ZBTB20: variants seen among roughly 807,000 people sequenced by gnomAD.
The protein encoded by ZBTB20 is zinc finger and BTB domain containing 20.
A neutral mutation model predicts 56.9 loss-of-function variants in ZBTB20; 9 were observed. The observed-to-expected ratio is 0.16, with a 90% confidence interval of 0.10 to 0.28. The LOEUF (loss-of-function observed/expected upper bound fraction) is 0.28. Ranked by LOEUF, ZBTB20 falls within the 10% of genes least tolerant of loss-of-function variation. The pLI, the probability that ZBTB20 is intolerant of heterozygous loss-of-function variation, is 1.00. For synonymous variants in ZBTB20, 417 were observed against 420.7 expected (o/e 0.99, Z 0.11); for missense variants, 655 against 1,003.0 (o/e 0.65, Z 4.69).
chr3:114,452,624 A>G lies in ZBTB20; in HGVS notation c.-255+47728T>C, dbSNP rs537690251. On this transcript the variant is annotated intron_variant, in intron 7 of 11. Transcript: ENST00000675478. ...GATGAGCATCACACTCTGCCCTGAT[A>G]TGTATTACACCCTTAAGAAGCAGTT... is the stretch of plus-strand genomic sequence containing the variant. Among the ~76,000 whole-genome samples the G allele has an allele frequency of 3.3e-5, 5 of 152,296 alleles. No individual in the cohort carries two copies. The East Asian group carries it at 9.6e-4, about 29-fold the overall frequency.
intron 6 of ZBTB20, among the ~76,000 whole-genome samples, chr3:114,523,528 T>C (rs1012513694): frequency 2.0e-5 from 3 of 152,172 alleles, no homozygotes; most frequent in Non-Finnish European, 4.4e-5. Context: ...GAAAATTTGA[T>C]AAAACAGAAG....
chr3:114,354,560 C>T (rs983352052), intron 10 of ZBTB20, among the ~76,000 whole-genome samples: 5 of 118,206 alleles, frequency 4.2e-5, no homozygotes, highest in African/African-American at 1.1e-4. Flanking sequence ...GTGTTCTGAA[C>T]AGGTTTTTTT....
At chr3:114,405,990 T>C (rs2108738420) in intron 7 of ZBTB20, among the ~76,000 whole-genome samples, 1 of 152,090 alleles carries the variant, frequency 6.6e-6, no homozygotes, top group East Asian at 1.9e-4. Context: ...CCAAGCAAAC[T>C]TCCAAATTGC....
intron 1 of ZBTB20, among the ~76,000 whole-genome samples, chr3:115,079,567 T>C (rs2082722276): frequency 6.6e-6 from 1 of 152,102 alleles, no homozygotes; most frequent in Non-Finnish European, 1.5e-5. Context: ...TTTTGTATTA[T>C]TGGTAGAGAT....
At chr3:115,092,659 T>C (rs1576759823) in intron 1 of ZBTB20, among the ~76,000 whole-genome samples, 1 of 152,158 alleles carries the variant, frequency 6.6e-6, no homozygotes, top group African/African-American at 2.4e-5. Context: ...CCTCTCCATC[T>C]AGTGGCCAGT....
At chr3:114,564,512 T>C (rs563592572) in intron 6 of ZBTB20, among the ~76,000 whole-genome samples, 3 of 152,276 alleles carry the variant, frequency 2.0e-5, no homozygotes, top group South Asian at 2.1e-4. Flanking sequence ...TTTAAGGAGA[T>C]TGTGATGTAC....
At chr3:114,639,797 CT>C (rs1303538350) in intron 6 of ZBTB20, among the ~76,000 whole-genome samples, 1 of 152,000 alleles carries the variant, frequency 6.6e-6, no homozygotes, top group Admixed American at 6.6e-5. Context: ...ACATGTAACA[CT>C]TTTGGGTCAC....
At chr3:114,601,979 A>T (rs1354100363) in intron 6 of ZBTB20, among the ~76,000 whole-genome samples, 6 of 152,024 alleles carry the variant, frequency 3.9e-5, no homozygotes, top group Non-Finnish European at 7.4e-5. Flanking sequence ...TTAAGTAATG[A>T]GTATTATAAT....
rs1054195020 is a variant in ZBTB20, at chr3:114,607,097, C to T, written c.-295+86431G>A. Among the ~76,000 whole-genome samples the T allele has an allele frequency of 1.4e-4, 20 of 145,976 alleles. 1 individual carries two copies. Among genetic ancestry groups the T allele is most frequent in the East Asian group, 2.0e-4 (1 of 5,084 alleles). On this transcript the variant is annotated intron_variant, in intron 6 of 11. Transcript: ENST00000675478. ...TCAGTGACACAGTGAGACTCAATCTCAAATAAATAAATAAATAAATAAATG... is the reference window on the plus strand; with the variant it reads ...TCAGTGACACAGTGAGACTCAATCTTAAATAAATAAATAAATAAATAAATG...
intron 1 of ZBTB20, among the ~76,000 whole-genome samples, chr3:115,083,298 T>A (rs1168428937): frequency 6.6e-6 from 1 of 152,036 alleles, no homozygotes; most frequent in Non-Finnish European, 1.5e-5. Flanking sequence ...CATGTGCCCA[T>A]CTTCTCCTCA....
At chr3:114,791,742 G>A (rs1029370381) in intron 5 of ZBTB20, 2 of 152,158 alleles carry the variant, frequency 1.3e-5, no homozygotes, top group African/African-American at 4.8e-5. Flanking sequence ...ACAAGTAGAA[G>A]ACCTTGTCAA....
At chr3:114,457,206 T>A (rs1328858144) in intron 7 of ZBTB20, among the ~76,000 whole-genome samples, 1 of 152,198 alleles carries the variant, frequency 6.6e-6, no homozygotes, top group Admixed American at 6.5e-5. Flanking sequence ...AGCAAACACA[T>A]ATTTATATAT....
intron 1 of ZBTB20, among the ~76,000 whole-genome samples, chr3:115,114,503 C>CT (rs1229446104): frequency 6.6e-6 from 1 of 152,002 alleles, no homozygotes; most frequent in East Asian, 1.9e-4. Context: ...TTCCTATAAA[C>CT]TAAGAGGTGT....
chr3:114,817,520 AAAATAAATAAATAAATAAAT>A (rs35530713), intron 4 of ZBTB20, among the ~76,000 whole-genome samples: 36 of 143,176 alleles, frequency 2.5e-4, no homozygotes, highest in African/African-American at 7.4e-4. Flanking sequence ...CTCTGTCTCA[AAAATAAATAAATAAATAAAT>A]AAATAAATAA....
At chr3:114,844,860 C>CTTTTTTTTT (rs11396350) in intron 4 of ZBTB20, among the ~76,000 whole-genome samples, 4 of 130,410 alleles carry the variant, frequency 3.1e-5, no homozygotes, top group Non-Finnish European at 3.2e-5. Context: ...TTTTCTTTTT[C>CTTTTTTTTT]TTTTTTTTTT....
chr3:114,867,608 T>C (rs1031388560), intron 4 of ZBTB20, among the ~76,000 whole-genome samples: 2 of 152,080 alleles, frequency 1.3e-5, no homozygotes, highest in African/African-American at 4.8e-5. Flanking sequence ...GCTAACTTGG[T>C]ATTTTCAGTA....
At chr3:115,144,673 A>T (rs1300582943) in intron 1 of ZBTB20, 1 of 152,154 alleles carries the variant, frequency 6.6e-6, no homozygotes, top group Non-Finnish European at 1.5e-5. Flanking sequence ...CATGACCTAT[A>T]TGTGCATTTT....
chr3:114,676,288 T>G (rs1327347027), intron 6 of ZBTB20, among the ~76,000 whole-genome samples: 1 of 152,208 alleles, frequency 6.6e-6, no homozygotes, highest in Non-Finnish European at 1.5e-5. Context: ...TATGAGGGTT[T>G]ACTGCCACAT....
chr3:114,665,906 A>G (rs975967215), intron 6 of ZBTB20, among the ~76,000 whole-genome samples: 1 of 152,052 alleles, frequency 6.6e-6, no homozygotes, highest in Non-Finnish European at 1.5e-5. Context: ...TAAGATAGCA[A>G]TATTGTAGCT....
Sources: allele counts gnomAD v4.1 joint callset (sites outside exome capture counted in the v4.1 genomes callset), GRCh38; gene constraint gnomAD v4.1.1; transcripts MANE v1.5; gene names NCBI Gene and HGNC (gene_info 2026-07-23, HGNC 2026-07-21).